SMAD3: variants seen among roughly 807,000 people sequenced by gnomAD.
The protein encoded by SMAD3 is MAD homolog 3.
A neutral mutation model predicts 51.8 loss-of-function variants in SMAD3; 12 were observed. The observed-to-expected ratio is 0.23, with a 90% CI of 0.15 to 0.38. The LOEUF is 0.38. SMAD3 is among the 10% of genes least tolerant of loss of function. The pLI, the probability that SMAD3 is intolerant of heterozygous loss-of-function variation, is 1.00. For synonymous variants in SMAD3, 238 were observed against 227.7 expected, an observed-to-expected ratio of 1.05 and a Z score of -0.41; for missense variants, 294 against 565.6, an observed-to-expected ratio of 0.52 and a Z score of 4.87.
chr15:67,160,202 A>G (rs578180969), intron 1 of SMAD3, among the ~76,000 whole-genome samples: 4 of 152,370 alleles, frequency 2.6e-5, no homozygotes, highest in African/African-American at 7.2e-5. Context: ...AAAATATTTT[A>G]GAAAGGAACT....
At chr15:67,109,431 T>C (rs1176618604) in intron 1 of SMAD3, among the ~76,000 whole-genome samples, 1 of 152,126 alleles carries the variant, frequency 6.6e-6, no homozygotes, top group Middle Eastern at 3.2e-3. Context: ...GAGAGGCTAG[T>C]ACCCCATGCT....
chr15:67,085,044 C>T (rs779873474), intron 1 of SMAD3, among the ~76,000 whole-genome samples: 10 of 152,104 alleles, frequency 6.6e-5, no homozygotes, highest in African/African-American at 9.7e-5. Flanking sequence ...GGATTATGAT[C>T]GACTAGGATG....
intron 1 of SMAD3, 51 bp downstream of exon 1, chr15:67,066,411 G>T (rs1214205508): frequency 6.7e-7 from 1 of 1,481,902 alleles, no homozygotes; most frequent in Non-Finnish European, 9.3e-7. Context: ...CAGCCCCCTG[G>T]CACTGCGGGG....
chr15:67,132,090 A>G (rs1961540110), intron 1 of SMAD3, among the ~76,000 whole-genome samples: 1 of 152,170 alleles, frequency 6.6e-6, no homozygotes, highest in African/African-American at 2.4e-5. Flanking sequence ...ACTGATGGTC[A>G]TCTGAGACAT....
chr15:67,118,754 C>G (rs1251061315), intron 1 of SMAD3, among the ~76,000 whole-genome samples: 1 of 152,214 alleles, frequency 6.6e-6, no homozygotes, highest in East Asian at 1.9e-4. Context: ...AGCTGTCTTT[C>G]AAGACACAAC....
intron 1 of SMAD3, among the ~76,000 whole-genome samples, chr15:67,124,450 G>A (rs1157991540): frequency 7.3e-5 from 11 of 151,346 alleles, no homozygotes; most frequent in Non-Finnish European, 1.2e-4. Context: ...TCAGTCTTTA[G>A]AAAAAAAAAA....
intron 1 of SMAD3, among the ~76,000 whole-genome samples, chr15:67,093,446 G>A (rs1283884296): frequency 1.3e-5 from 2 of 152,162 alleles, no homozygotes; most frequent in Non-Finnish European, 2.9e-5. Context: ...AGGTAGGAAG[G>A]GTGGCTGGAT....
intron 1 of SMAD3, among the ~76,000 whole-genome samples, chr15:67,084,413 C>T (rs755581573): frequency 2.0e-4 from 30 of 152,118 alleles, no homozygotes; most frequent in Non-Finnish European, 3.4e-4. Flanking sequence ...CCTCTGAACT[C>T]TCCTTGGCTT....
intron 1 of SMAD3, among the ~76,000 whole-genome samples, chr15:67,124,191 C>G (rs4776895): frequency 0.97 from 147,970 of 152,298 alleles, 72,013 homozygotes; most frequent in East Asian, 1. Context: ...GTCTTGCTAT[C>G]ATGGGCAGGC....
intron 1 of SMAD3, among the ~76,000 whole-genome samples, chr15:67,080,505 G>A (rs115687297): frequency 1.1e-3 from 164 of 152,308 alleles, no homozygotes; most frequent in African/African-American, 3.9e-3. Flanking sequence ...TCCGGGAGAT[G>A]CCACTAGGCC....
At chr15:67,155,896 A>G (rs927845873) in intron 1 of SMAD3, among the ~76,000 whole-genome samples, 7 of 151,980 alleles carry the variant, frequency 4.6e-5, no homozygotes, top group African/African-American at 1.5e-4. Flanking sequence ...CTGAGGCAGG[A>G]GAATCGCTTG....
intron 5 of SMAD3, among the ~76,000 whole-genome samples, chr15:67,170,943 C>T (rs903524612): frequency 1.3e-5 from 2 of 152,204 alleles, no homozygotes; most frequent in Non-Finnish European, 2.9e-5. Context: ...TGCAAAGCCA[C>T]GGACAGCCAT....
intron 1 of SMAD3, among the ~76,000 whole-genome samples, chr15:67,130,401 A>G (rs1487729981): frequency 1.3e-5 from 2 of 152,216 alleles, no homozygotes; most frequent in East Asian, 3.9e-4. Context: ...TCGTAGTAGT[A>G]GGTGAGTGGT....
chr15:67,141,137 A>AC (rs1961809626), intron 1 of SMAD3, among the ~76,000 whole-genome samples: 1 of 152,202 alleles, frequency 6.6e-6, no homozygotes, highest in African/African-American at 2.4e-5. Flanking sequence ...AATTCCGGCA[A>AC]CGGGAAGTTT....
chr15:67,092,830 G>C (rs1368245913), intron 1 of SMAD3, among the ~76,000 whole-genome samples: 6 of 152,192 alleles, frequency 3.9e-5, no homozygotes, highest in Admixed American at 2.0e-4. Flanking sequence ...TGCTGTGACG[G>C]TTAAATGTAA....
chr15:67,104,833 C>T (rs974350548), intron 1 of SMAD3, among the ~76,000 whole-genome samples: 4 of 152,382 alleles, frequency 2.6e-5, no homozygotes, highest in Admixed American at 6.5e-5. Context: ...GAAGCCGTTT[C>T]CATTAAGAAC....
Position 67,194,470 on chromosome 15 carries a change from G to A in SMAD3, c.*3934G>A, listed in dbSNP as rs1963450140. 4.3e-6 allele frequency: 1 copy of A among 233,204 alleles called. No individual in the cohort carries two copies. Among genetic ancestry groups the A allele is most frequent in the Non-Finnish European group, 8.5e-6 (1 of 118,008 alleles). 14.4% of individuals were successfully genotyped at this position (233,204 alleles called of 1,614,324 possible). A position where few individuals can be genotyped will look rare whatever the true frequency, so the allele number is the denominator to read the frequency against. ...AAACTTGCCTCATGTAAACTGGATT[G>A]AGAAATTCTCAGTGATTCTGCAATG... On this transcript the variant is annotated 3_prime_UTR_variant, in exon 9 of 9. Coordinates refer to ENST00000327367, the MANE Select transcript of SMAD3 (RefSeq NM_005902.4).
intron 1 of SMAD3, among the ~76,000 whole-genome samples, chr15:67,088,974 A>G (rs1960454001): frequency 1.3e-5 from 2 of 152,132 alleles, no homozygotes; most frequent in Admixed American, 6.6e-5. Context: ...AGGGCTGACT[A>G]GAGACCTTTG....
Position 67,152,267 on chromosome 15 carries a change from G to A in SMAD3, c.207-12628G>A, listed in dbSNP as rs182093421. 3.0e-3 allele frequency among the ~76,000 whole-genome samples: 463 copies of A among 152,208 alleles called. 4 individuals are homozygous for A. The highest frequency in any genetic ancestry group is 0.011 in the African/African-American group (447 of 41,538). The stretch of plus-strand genomic sequence containing the variant: ...CCACCAAATGGAACATCATGTTGTC[G>A]TAGAATGAAGGAATCCTTTCTGTCC... On this transcript the variant is annotated intron_variant, in intron 1 of 8. Coordinates refer to ENST00000327367, the MANE Select transcript of SMAD3 (RefSeq NM_005902.4).
Sources: allele counts gnomAD v4.1 joint callset (sites outside exome capture counted in the v4.1 genomes callset), GRCh38; gene constraint gnomAD v4.1.1; transcripts MANE v1.5; gene names NCBI Gene and HGNC (gene_info 2026-07-23, HGNC 2026-07-21).